Variants in MDGA2 observed in about 807,000 individuals in gnomAD.
The protein encoded by MDGA2 is MAM domain containing glycosylphosphatidylinositol anchor 2.
MDGA2 carries 40 observed loss-of-function variants against 117.8 expected under a neutral mutation model. The observed-to-expected ratio is 0.34, with a 90% CI of 0.26 to 0.44. The LOEUF (loss-of-function observed/expected upper bound fraction) is 0.44, where lower values mean the gene tolerates loss of function less well. Ranked by LOEUF, MDGA2 falls within the 20% of genes least tolerant of loss-of-function variation. The pLI, the probability that MDGA2 is intolerant of heterozygous loss-of-function variation, is 1.00. For synonymous variants in MDGA2, 452 were observed against 439.0 expected (o/e 1.03, Z -0.37); for missense variants, 1,123 against 1,250.6 (o/e 0.90, Z 1.54).
At chr14:46,956,678 A>G (rs1372733675) in intron 9 of MDGA2, among the ~76,000 whole-genome samples, 1 of 152,172 alleles carries the variant, frequency 6.6e-6, no homozygotes, top group Non-Finnish European at 1.5e-5. Context: ...ACTTGATCTA[A>G]TTAAAGCCAG....
chr14:47,627,472 C>T (rs1897168387), intron 1 of MDGA2, among the ~76,000 whole-genome samples: 1 of 152,178 alleles, frequency 6.6e-6, no homozygotes, highest in African/African-American at 2.4e-5. Flanking sequence ...ACCAATCGCA[C>T]TCTGTGTCTA....
At position 46,910,741 on chromosome 14, in the gene MDGA2, C is replaced by T. The variant is rs1000045762; in HGVS notation, c.2238+9271G>A. ...TATCTAGCAAACCCATAGTCTCAGC[C>T]ATCAGTGCTCACCAATGGTAGACTG... On this transcript the variant is annotated intron_variant, in intron 10 of 16. Transcript: ENST00000399232. 4.5e-4 allele frequency among the ~76,000 whole-genome samples: 68 copies of T among 152,292 alleles called. 1 individual carries two copies. The highest frequency in any genetic ancestry group is 1.5e-3 in the African/African-American group (64 of 41,552).
chr14:47,368,433 TAGAGA>T (rs1218756387), intron 1 of MDGA2, among the ~76,000 whole-genome samples: 2 of 152,180 alleles, frequency 1.3e-5, no homozygotes, highest in Non-Finnish European at 2.9e-5. Context: ...CCATCTAGAT[TAGAGA>T]ATAGAATTGA....
rs563416469 is a variant in MDGA2 at position 47,366,578 on chromosome 14, G to A, written c.281-65028C>T. On this transcript the variant is annotated intron_variant, in intron 1 of 16. Transcript: ENST00000399232. ...ACCAGGAGGTTATAGTTCAGTAAGT[G>A]CTCTACTAATCACTCAATAAAAGGG... Among the ~76,000 whole-genome samples the A allele has an allele frequency of 3.9e-5, 6 of 152,082 alleles. No individual in the cohort carries two copies. In the South Asian group the frequency reaches 1.0e-3, roughly 26 times the overall value.
At chr14:47,037,630 G>T (rs7141417) in intron 7 of MDGA2, among the ~76,000 whole-genome samples, 128,901 of 152,144 alleles carry the variant, frequency 0.85, 54,699 homozygotes, top group East Asian at 0.97. Flanking sequence ...TCCTCTTATT[G>T]ATTTCTTTAG....
At chr14:47,252,744 G>A (rs1408915789) in intron 2 of MDGA2, among the ~76,000 whole-genome samples, 1 of 152,148 alleles carries the variant, frequency 6.6e-6, no homozygotes, top group Non-Finnish European at 1.5e-5. Flanking sequence ...AAGGAGTGAG[G>A]AGAAGGAAAA....
At chr14:46,874,708 A>AT (rs1464107992) in intron 12 of MDGA2, among the ~76,000 whole-genome samples, 1 of 151,900 alleles carries the variant, frequency 6.6e-6, no homozygotes, top group African/African-American at 2.4e-5. Flanking sequence ...ATAGCAAATT[A>AT]TTTTGAAAAG....
intron 1 of MDGA2, among the ~76,000 whole-genome samples, chr14:47,312,688 G>GTT (rs1186421912): frequency 1.8e-3 from 186 of 104,236 alleles, no homozygotes; most frequent in East Asian, 7.7e-3. Context: ...TTTTTTTTTT[G>GTT]TTTTGTTTTG....
chr14:47,472,492 A>G (rs1163024435), intron 1 of MDGA2, among the ~76,000 whole-genome samples: 1 of 152,210 alleles, frequency 6.6e-6, no homozygotes, highest in Non-Finnish European at 1.5e-5. Flanking sequence ...AAAATACTGT[A>G]TTCTAATCTT....
intron 8 of MDGA2, 90 bp from the exon 9 acceptor site, chr14:46,957,733 A>G: frequency 7.2e-7 from 1 of 1,382,884 alleles, no homozygotes; most frequent in South Asian, 1.3e-5. Flanking sequence ...TTGCAGTAAC[A>G]CATGCAGCAA....
intron 1 of MDGA2, among the ~76,000 whole-genome samples, chr14:47,336,993 A>G (rs910964560): frequency 2.6e-5 from 4 of 151,998 alleles, no homozygotes; most frequent in Admixed American, 2.0e-4. Flanking sequence ...GCCAATGTGG[A>G]AAACATAAAT....
At chr14:47,102,233 A>G (rs1262067787) in intron 5 of MDGA2, among the ~76,000 whole-genome samples, 1 of 152,062 alleles carries the variant, frequency 6.6e-6, no homozygotes, top group African/African-American at 2.4e-5. Context: ...GCAGTTAACA[A>G]TTGTATAAAC....
In MDGA2 at chr14:47,131,845, C is replaced by G. The variant is rs1027123442; in HGVS notation, c.794G>C (p.Gly265Ala). The G allele has an allele frequency of 6.4e-7, 1 of 1,564,878 alleles. No individual in the cohort carries two copies. The highest frequency in any genetic ancestry group is 1.7e-5 in the Admixed American group (1 of 57,882). The part of the protein sequence containing the change: ...VEIYEPFFTQ[G>A]ETKILKLKNL... Reference sequence around the variant, plus strand: ...CTTTAGTTTTAAGATCTTTGTTTCACCCTGAAAATGTACACAAAAAATAAA... The same window carrying G: ...CTTTAGTTTTAAGATCTTTGTTTCAGCCTGAAAATGTACACAAAAAATAAA... The change falls in exon 5 of 17, where the codon GGT becomes GCT. Residue 265 changes from glycine to alanine, a missense_variant and splice_region_variant. This residue lies in a region of MDGA2 where 890 missense variants were observed against 1,050.3 expected (regional missense o/e 0.85). Transcript: ENST00000399232.
intron 1 of MDGA2, among the ~76,000 whole-genome samples, chr14:47,315,349 C>G (rs992205783): frequency 6.6e-6 from 1 of 152,130 alleles, no homozygotes; most frequent in Non-Finnish European, 1.5e-5. Context: ...AGCTCACCCT[C>G]TTCTTTGCCC....
intron 8 of MDGA2, among the ~76,000 whole-genome samples, chr14:47,027,627 TTA>T (rs145057227): frequency 7.5e-5 from 11 of 145,926 alleles, no homozygotes; most frequent in African/African-American, 1.0e-4. Context: ...ATATTATATA[TTA>T]TATATATATA....
At chr14:47,178,862 C>G (rs1464907688) in intron 3 of MDGA2, among the ~76,000 whole-genome samples, 1 of 151,944 alleles carries the variant, frequency 6.6e-6, no homozygotes, top group Non-Finnish European at 1.5e-5. Context: ...AGCACTGTTC[C>G]AGGTAGAGGG....
chr14:47,132,090 A>G (rs1474873940), intron 4 of MDGA2, among the ~76,000 whole-genome samples: 2 of 152,018 alleles, frequency 1.3e-5, no homozygotes, highest in East Asian at 3.8e-4. Flanking sequence ...CTAACAGACT[A>G]CAATGAAAAT....
At chr14:47,069,689 T>A (rs892986384) in intron 6 of MDGA2, among the ~76,000 whole-genome samples, 5 of 152,216 alleles carry the variant, frequency 3.3e-5, no homozygotes, top group Admixed American at 2.0e-4. Flanking sequence ...TTGCTGCCCA[T>A]GTTAGAACAT....
intron 9 of MDGA2, among the ~76,000 whole-genome samples, chr14:46,943,933 C>T (rs1477521368): frequency 6.6e-6 from 1 of 151,996 alleles, no homozygotes; most frequent in Non-Finnish European, 1.5e-5. Context: ...AATTAAACTT[C>T]ATTTACAAAA....
Sources: gnomAD v4.1 joint callset for allele counts (sites outside exome capture counted in the v4.1 genomes callset) on GRCh38, gnomAD v4.1.1 for gene constraint, gnomAD v4.1.1 regional missense constraint, MANE v1.5 for transcripts, NCBI Gene and HGNC (gene_info 2026-07-23, HGNC 2026-07-21) for gene names.